GRID2: variants seen among roughly 807,000 people sequenced by gnomAD.
The protein encoded by GRID2 is glutamate ionotropic receptor delta type subunit 2, also known as glutamate receptor ionotropic, delta-2.
GRID2 carries 33 observed loss-of-function variants against 114.8 expected under a neutral mutation model. That is an observed-to-expected ratio of 0.29 (90% CI 0.22 to 0.38). GRID2 has a LOEUF of 0.38. Among genes scored for constraint, GRID2 ranks in the 10% least tolerant of loss-of-function variants. The pLI is 1.00. For synonymous variants in GRID2, 505 were observed against 449.9 expected (o/e 1.12, Z -1.55); for missense variants, 1,184 against 1,257.7 (o/e 0.94, Z 0.89).
chr4:93,709,091 C>CT (rs138788118), intron 14 of GRID2, among the ~76,000 whole-genome samples: 6,411 of 152,144 alleles, frequency 0.042, 220 homozygotes, highest in African/African-American at 0.085. Context: ...ACAGATTCAT[C>CT]TTTCATCTTT....
intron 2 of GRID2, among the ~76,000 whole-genome samples, chr4:92,611,596 T>A (rs1251570582): frequency 6.6e-6 from 1 of 151,574 alleles, no homozygotes; most frequent in Non-Finnish European, 1.5e-5. Flanking sequence ...AGGGAGAAAT[T>A]GCTCAGTTTT....
In GRID2 at chr4:92,900,863, A is replaced by G. The variant is rs967941905; in HGVS notation, c.245-184132A>G. ...AAAAAAAAAAAAAAAAAAAAAGATA[A>G]TGCCTTACAGTTTCATCCATATTGC... On this transcript the variant is annotated intron_variant, in intron 2 of 15. Transcript: ENST00000282020. Among the ~76,000 whole-genome samples the G allele has an allele frequency of 2.0e-5, 3 of 149,124 alleles. No individual in the cohort carries two copies. The East Asian group carries it at 5.9e-4, about 29-fold the overall frequency.
intron 13 of GRID2, among the ~76,000 whole-genome samples, chr4:93,594,062 G>T (rs933437625): frequency 2.0e-5 from 3 of 152,210 alleles, no homozygotes; most frequent in Admixed American, 6.5e-5. Flanking sequence ...GCTCGTCAAA[G>T]TCGTTCTCCG....
At chr4:92,668,678 T>C (rs1189932761) in intron 2 of GRID2, among the ~76,000 whole-genome samples, 1 of 151,874 alleles carries the variant, frequency 6.6e-6, no homozygotes, top group Non-Finnish European at 1.5e-5. Flanking sequence ...GAGACAGATG[T>C]AGTACACCTT....
intron 2 of GRID2, among the ~76,000 whole-genome samples, chr4:92,874,225 C>G (rs1265614140): frequency 6.6e-6 from 1 of 152,140 alleles, no homozygotes; most frequent in Non-Finnish European, 1.5e-5. Context: ...CTGATTTCGT[C>G]TTGTTTTACT....
intron 2 of GRID2, among the ~76,000 whole-genome samples, chr4:92,657,656 A>C (rs1002721440): frequency 6.6e-5 from 10 of 151,826 alleles, no homozygotes; most frequent in Non-Finnish European, 1.2e-4. Flanking sequence ...AGCAAAAAAC[A>C]AAATTAAAAA....
intron 2 of GRID2, among the ~76,000 whole-genome samples, chr4:93,083,615 G>C (rs1449539146): frequency 6.9e-6 from 1 of 144,860 alleles, no homozygotes; most frequent in Non-Finnish European, 1.5e-5. Context: ...AGAATCACTT[G>C]AACCCAGGAT....
intron 1 of GRID2, among the ~76,000 whole-genome samples, chr4:92,448,770 G>A (rs1733601949): frequency 6.6e-6 from 1 of 150,986 alleles, no homozygotes; most frequent in South Asian, 2.1e-4. Context: ...GATATATTTG[G>A]GTAAAAAGCA....
chr4:92,850,917 T>C (rs543915426), intron 2 of GRID2, among the ~76,000 whole-genome samples: 1 of 152,046 alleles, frequency 6.6e-6, no homozygotes, highest in South Asian at 2.1e-4. Context: ...ATGGCTTTAT[T>C]TTAGGCACCA....
At chr4:92,820,615 G>A (rs745577570) in intron 2 of GRID2, among the ~76,000 whole-genome samples, 9 of 152,092 alleles carry the variant, frequency 5.9e-5, no homozygotes, top group Non-Finnish European at 8.8e-5. Flanking sequence ...GAGAATGTCA[G>A]AATCCTATAA....
chr4:93,144,288 T>C (rs1736010452), intron 4 of GRID2, among the ~76,000 whole-genome samples: 1 of 152,220 alleles, frequency 6.6e-6, no homozygotes, highest in South Asian at 2.1e-4. Context: ...CTTGTCAGTT[T>C]GCTAAATTCT....
At chr4:92,454,830 C>T (rs1721123706) in intron 1 of GRID2, among the ~76,000 whole-genome samples, 1 of 152,088 alleles carries the variant, frequency 6.6e-6, no homozygotes, top group Non-Finnish European at 1.5e-5. Context: ...AGCGAGACTC[C>T]GTCTCAAAAG....
At chr4:92,990,332 A>AT (rs1217242270) in intron 2 of GRID2, among the ~76,000 whole-genome samples, 1 of 122,716 alleles carries the variant, frequency 8.1e-6, no homozygotes, top group East Asian at 2.4e-4. Flanking sequence ...TGTGTGTATA[A>AT]TTTTTTTTGA....
At chr4:92,545,447 C>A (rs771849433) in intron 1 of GRID2, among the ~76,000 whole-genome samples, 1 of 152,096 alleles carries the variant, frequency 6.6e-6, no homozygotes, top group South Asian at 2.1e-4. Context: ...TTAAAATATA[C>A]GTCCAGTGAA....
intron 2 of GRID2, among the ~76,000 whole-genome samples, chr4:93,068,693 C>CAAA (rs5860304): frequency 6.7e-6 from 1 of 148,492 alleles, no homozygotes; most frequent in Non-Finnish European, 1.5e-5. Flanking sequence ...TTCCTATTTA[C>CAAA]AAAAAAAAAA....
intron 10 of GRID2, among the ~76,000 whole-genome samples, chr4:93,454,967 G>A (rs1273040312): frequency 6.6e-6 from 1 of 152,062 alleles, no homozygotes; most frequent in South Asian, 2.1e-4. Flanking sequence ...TAAATAAATA[G>A]TAAATGCTGT....
chr4:93,159,590 G>T (rs1211034421), intron 4 of GRID2, among the ~76,000 whole-genome samples: 2 of 151,344 alleles, frequency 1.3e-5, no homozygotes, highest in African/African-American at 4.8e-5. Context: ...ATACAGAAGA[G>T]TCTTAGCTAC....
At chr4:93,140,160 C>CTCTTTCTTTTCTTTTCTTT (rs566883343) in intron 4 of GRID2, among the ~76,000 whole-genome samples, 7 of 128,266 alleles carry the variant, frequency 5.5e-5, no homozygotes, top group African/African-American at 2.1e-4. Context: ...CTTTTCTTTT[C>CTCTTTCTTTTCTTTTCTTT]TTTTTTTTTT....
intron 2 of GRID2, among the ~76,000 whole-genome samples, chr4:93,065,737 G>A (rs1200226682): frequency 2.0e-5 from 3 of 151,944 alleles, no homozygotes; most frequent in East Asian, 1.9e-4. Flanking sequence ...GTCATTTGTT[G>A]TATCAATAGT....
Sources: allele counts gnomAD v4.1 joint callset (sites outside exome capture counted in the v4.1 genomes callset), GRCh38; gene constraint gnomAD v4.1.1; transcripts MANE v1.5; gene names NCBI Gene and HGNC (gene_info 2026-07-23, HGNC 2026-07-21).